FLRT2: variants seen among roughly 807,000 people sequenced by gnomAD.
The protein encoded by FLRT2 is leucine-rich repeat transmembrane protein FLRT2.
In FLRT2, 15 loss-of-function variants were observed where a neutral mutation model predicts 40.0. That is an observed-to-expected ratio of 0.38 (90% CI 0.25 to 0.58). The LOEUF (loss-of-function observed/expected upper bound fraction) is 0.58, where lower values mean the gene tolerates loss of function less well. Among genes scored for constraint, FLRT2 ranks in the 20% least tolerant of loss-of-function variants. The pLI is 0.71. For missense variants in FLRT2, 726 were observed against 840.0 expected, an observed-to-expected ratio of 0.86 and a Z score of 1.68; for synonymous variants, 380 against 336.8, an observed-to-expected ratio of 1.13 and a Z score of -1.41.
rs1594982168 is a variant in FLRT2 at position 85,650,748 on chromosome 14, T to A, written c.*27251T>A. 1.7e-5 allele frequency: 2 copies of A among 114,350 alleles called. No individual in the cohort carries two copies. The highest frequency in any genetic ancestry group is 4.5e-5 in the African/African-American group (1 of 22,440). The allele number at this position is 114,350 out of a possible 1,614,324, so 7.1% of individuals were successfully genotyped here. A position where few individuals can be genotyped will look rare whatever the true frequency, so the allele number is the denominator to read the frequency against. On this transcript the variant is annotated 3_prime_UTR_variant, in exon 2 of 2. Coordinates refer to ENST00000330753, the MANE Select transcript of FLRT2 (RefSeq NM_013231.6). ...TTTTTATTTATTTATTATCTGTTCA[T>A]GATTTTCTTCATTTTTTCTCTTACT...
chr14:85,548,429 T>G (rs1274833668), intron 1 of FLRT2, among the ~76,000 whole-genome samples: 1 of 152,194 alleles, frequency 6.6e-6, no homozygotes, highest in Non-Finnish European at 1.5e-5. Context: ...TCTGTTTATA[T>G]TTTTAAAACC....
chr14:85,630,209 A>G lies in FLRT2; in HGVS notation c.*6712A>G, dbSNP rs572178307. ...ACTGGCTCTACTGAAAGTTAAGGAT[A>G]CAAAAGTTTTTAATGGTAATAACCC... On this transcript the variant is annotated 3_prime_UTR_variant, in exon 2 of 2. Coordinates refer to ENST00000330753, the MANE Select transcript of FLRT2 (RefSeq NM_013231.6). 7.2e-5 allele frequency: 11 copies of G among 152,032 alleles called. No individual in the cohort carries two copies. The Middle Eastern group carries it at 0.01, about 145-fold the overall frequency. The allele number at this position is 152,032 out of a possible 1,614,324, so 9.4% of individuals were successfully genotyped here.
intron 1 of FLRT2, among the ~76,000 whole-genome samples, chr14:85,586,971 A>G (rs569834224): frequency 6.6e-6 from 1 of 152,308 alleles, no homozygotes; most frequent in South Asian, 2.1e-4. Context: ...TTTCCTTTAT[A>G]GACCAGTATA....
chr14:85,534,702 A>G (rs1350148862), intron 1 of FLRT2, among the ~76,000 whole-genome samples: 1 of 151,738 alleles, frequency 6.6e-6, no homozygotes, highest in Non-Finnish European at 1.5e-5. Flanking sequence ...GTCCTAAGGT[A>G]GTGAGTGGCC....
chr14:85,607,071 CT>C (rs1892655472), intron 1 of FLRT2, among the ~76,000 whole-genome samples: 1 of 151,862 alleles, frequency 6.6e-6, no homozygotes, highest in Admixed American at 6.6e-5. Context: ...TTTTAAATCT[CT>C]TTTCCACAAG....
rs907504008 is a variant in FLRT2, at chr14:85,624,192, C to G, written c.*695C>G. 2 of 166,950 alleles carry G rather than the reference C, an allele frequency of 1.2e-5. No homozygotes were observed. Among genetic ancestry groups the G allele is most frequent in the African/African-American group, 4.8e-5 (2 of 41,436 alleles). 10.3% of individuals were successfully genotyped at this position (166,950 alleles called of 1,614,324 possible). On this transcript the variant is annotated 3_prime_UTR_variant, in exon 2 of 2. Coordinates refer to ENST00000330753, the MANE Select transcript of FLRT2 (RefSeq NM_013231.6). The stretch of plus-strand genomic sequence containing the variant: ...GGGAACTTAAAAATCACTCTTCATG[C>G]TTCCCTGGTCCTATGTGATAACAGA...
At chr14:85,538,854 C>G (rs1279222399) in intron 1 of FLRT2, among the ~76,000 whole-genome samples, 1 of 152,144 alleles carries the variant, frequency 6.6e-6, no homozygotes, top group Non-Finnish European at 1.5e-5. Flanking sequence ...GCTGGTGTCA[C>G]TCTTAGCCCC....
rs1231645246 is a variant in FLRT2 at position 85,625,257 on chromosome 14, C to T, written c.*1760C>T. The T allele has an allele frequency of 6.0e-6, 1 of 167,008 alleles. No homozygotes were observed. The highest frequency in any genetic ancestry group is 1.5e-5 in the Non-Finnish European group (1 of 68,116). 10.3% of individuals were successfully genotyped at this position (167,008 alleles called of 1,614,324 possible). On this transcript the variant is annotated 3_prime_UTR_variant, in exon 2 of 2. Coordinates refer to ENST00000330753, the MANE Select transcript of FLRT2 (RefSeq NM_013231.6). ...TGCTGCATATTTCTTTTACCATTGA[C>T]CATTATTATAGGGACCCATGAAGTA...
At position 85,629,749 on chromosome 14, in the gene FLRT2, C is replaced by T. The variant is rs1175778394; in HGVS notation, c.*6252C>T. On this transcript the variant is annotated 3_prime_UTR_variant, in exon 2 of 2. Coordinates refer to ENST00000330753, the MANE Select transcript of FLRT2 (RefSeq NM_013231.6). ...AGCCTTCAGATTTTTCATGATGGAG[C>T]TATCATAACTTCTCAGTGGATACAT... 2 of 152,110 alleles carry T rather than the reference C, an allele frequency of 1.3e-5. No individual in the cohort carries two copies. Among genetic ancestry groups the T allele is most frequent in the Non-Finnish European group, 2.9e-5 (2 of 68,034 alleles). 9.4% of individuals were successfully genotyped at this position (152,110 alleles called of 1,614,324 possible). A position where few individuals can be genotyped will look rare whatever the true frequency, so the allele number is the denominator to read the frequency against.
intron 1 of FLRT2, among the ~76,000 whole-genome samples, chr14:85,602,935 A>C (rs1214662854): frequency 6.6e-6 from 1 of 151,680 alleles, no homozygotes; most frequent in Non-Finnish European, 1.5e-5. Context: ...GCTTTTGGAG[A>C]ATGGGGGCAT....
intron 1 of FLRT2, among the ~76,000 whole-genome samples, chr14:85,619,477 C>A (rs986895569): frequency 6.6e-6 from 1 of 152,044 alleles, no homozygotes; most frequent in African/African-American, 2.4e-5. Flanking sequence ...ATTTCCGAAA[C>A]AATAAAAAAT....
intron 1 of FLRT2, among the ~76,000 whole-genome samples, chr14:85,547,729 T>G (rs1889364095): frequency 6.6e-6 from 1 of 152,166 alleles, no homozygotes; most frequent in Non-Finnish European, 1.5e-5. Context: ...GTTGAGGATG[T>G]GCACCCATGA....
intron 1 of FLRT2, chr14:85,562,556 G>T (rs1438577835): frequency 6.6e-6 from 1 of 150,748 alleles, no homozygotes; most frequent in African/African-American, 2.4e-5. Context: ...GAGTAGGTGG[G>T]TCTATAATGT....
At chr14:85,533,771 C>A (rs1335650242) in intron 1 of FLRT2, among the ~76,000 whole-genome samples, 2 of 151,602 alleles carry the variant, frequency 1.3e-5, no homozygotes, top group Non-Finnish European at 2.9e-5. Flanking sequence ...GAGCTGGGCG[C>A]CCCGGCCCCG....
intron 1 of FLRT2, among the ~76,000 whole-genome samples, chr14:85,543,736 A>G (rs1270751934): frequency 6.6e-6 from 1 of 151,992 alleles, no homozygotes; most frequent in Non-Finnish European, 1.5e-5. Context: ...TGCCTTTCCC[A>G]TGCTGTTTAC....
At chr14:85,537,845 G>GTTTTT (rs55897031) in intron 1 of FLRT2, among the ~76,000 whole-genome samples, 1 of 146,490 alleles carries the variant, frequency 6.8e-6, no homozygotes, top group Non-Finnish European at 1.5e-5. Flanking sequence ...TTCATGTTTT[G>GTTTTT]TTTTTTTTTT....
At chr14:85,602,674 A>T (rs1892430040) in intron 1 of FLRT2, among the ~76,000 whole-genome samples, 1 of 151,904 alleles carries the variant, frequency 6.6e-6, no homozygotes, top group Admixed American at 6.6e-5. Flanking sequence ...CCTTCACATC[A>T]GTGATTTTTG....
At chr14:85,556,851 A>G (rs1037180024) in intron 1 of FLRT2, among the ~76,000 whole-genome samples, 3 of 152,230 alleles carry the variant, frequency 2.0e-5, no homozygotes, top group East Asian at 3.9e-4. Flanking sequence ...GCTAATAAAG[A>G]CATACCCAAG....
At chr14:85,544,213 C>A (rs1594995048) in intron 1 of FLRT2, among the ~76,000 whole-genome samples, 1 of 152,176 alleles carries the variant, frequency 6.6e-6, no homozygotes, top group Admixed American at 6.5e-5. Context: ...GGCTGGTAAA[C>A]CCAACCTTGA....
Sources: gnomAD v4.1 joint callset for allele counts (sites outside exome capture counted in the v4.1 genomes callset) on GRCh38, gnomAD v4.1.1 for gene constraint, MANE v1.5 for transcripts, NCBI Gene and HGNC (gene_info 2026-07-23, HGNC 2026-07-21) for gene names.